GARIN1B: variants seen among roughly 807,000 people sequenced by gnomAD.
The protein encoded by GARIN1B is Golgi-associated RAB2 interactor protein 1B.
At chr7:128,718,950 C>CT in the GARIN1B span, 1 of 1,614,206 alleles carries the variant, frequency 6.2e-7, no homozygotes, top group Admixed American at 1.7e-5. Context: ...CATCCTGAGA[C>CT]TGTCTTCCAC....
At chr7:128,718,686 A>G in the GARIN1B span, 30 of 971,124 alleles carry the variant, frequency 3.1e-5, no homozygotes, top group Non-Finnish European at 4.3e-5. Context: ...GGTCTCCCCA[A>G]CAATTGAGCA....
chr7:128,719,116 G>A, the GARIN1B span: 1 of 1,603,448 alleles, frequency 6.2e-7, no homozygotes, highest in Non-Finnish European at 8.5e-7. Flanking sequence ...CTGCAGTCAA[G>A]GCCAAAGCAG....
chr7:128,728,861 C>T, the GARIN1B span, among the ~76,000 whole-genome samples: 1 of 152,122 alleles, frequency 6.6e-6, no homozygotes, highest in Non-Finnish European at 1.5e-5. Context: ...TTTGTCCAAG[C>T]CTAAGAATGT....
chr7:128,711,145 A>G, the GARIN1B span, among the ~76,000 whole-genome samples: 1 of 152,124 alleles, frequency 6.6e-6, no homozygotes. Context: ...CGTCATGTGT[A>G]CTTTCCTCCT....
the GARIN1B span, among the ~76,000 whole-genome samples, chr7:128,724,537 A>T: frequency 3.3e-5 from 5 of 152,166 alleles, no homozygotes; most frequent in African/African-American, 9.7e-5. Context: ...CTGTATGTAC[A>T]GATGACTTAG....
the GARIN1B span, among the ~76,000 whole-genome samples, chr7:128,712,135 A>G: frequency 9.8e-5 from 15 of 152,354 alleles, no homozygotes; most frequent in East Asian, 1.3e-3. Context: ...TGTTTTAAAT[A>G]GTGACATAGA....
chr7:128,718,780 C>G, the GARIN1B span: 2 of 1,589,600 alleles, frequency 1.3e-6, no homozygotes, highest in South Asian at 2.3e-5. Flanking sequence ...AAGACAGGGT[C>G]AGATTGGATG....
the GARIN1B span, chr7:128,726,933 A>T: frequency 2.0e-6 from 3 of 1,467,624 alleles, no homozygotes; most frequent in East Asian, 2.3e-5. Context: ...TAAGAATAAG[A>T]TCCCCTCCAG....
the GARIN1B span, among the ~76,000 whole-genome samples, chr7:128,713,647 C>T: frequency 6.6e-6 from 1 of 152,144 alleles, no homozygotes; most frequent in Non-Finnish European, 1.5e-5. Context: ...TTGTTTAGAG[C>T]TAAAAAATCC....
At chr7:128,714,756 C>G in the GARIN1B span, among the ~76,000 whole-genome samples, 11 of 152,126 alleles carry the variant, frequency 7.2e-5, no homozygotes, top group Non-Finnish European at 1.2e-4. Context: ...AGAGGGGGAA[C>G]AGCTTGGGAC....
At chr7:128,727,007 T>C in the GARIN1B span, 1 of 744,526 alleles carries the variant, frequency 1.3e-6, no homozygotes, top group African/African-American at 1.8e-5. Context: ...TTAGTTTGAA[T>C]TCCTTTAGGC....
the GARIN1B span, chr7:128,723,065 T>C: frequency 9.1e-7 from 1 of 1,099,366 alleles, no homozygotes; most frequent in Non-Finnish European, 1.3e-6. Flanking sequence ...GAATTGCCTC[T>C]GTGAGCAGCT....
the GARIN1B span, chr7:128,714,133 G>T: frequency 9.1e-6 from 14 of 1,536,016 alleles, no homozygotes; most frequent in Non-Finnish European, 1.2e-5. Context: ...GAATTGGATG[G>T]TGAGAGCCTC....
At chr7:128,714,070 A>T in the GARIN1B span, 1 of 1,535,798 alleles carries the variant, frequency 6.5e-7, no homozygotes, top group Non-Finnish European at 8.7e-7. Context: ...CAGGAGCTAT[A>T]ACAGGTGCTG....
the GARIN1B span, chr7:128,719,143 C>A: frequency 6.4e-7 from 1 of 1,571,968 alleles, no homozygotes; most frequent in Non-Finnish European, 8.7e-7. Flanking sequence ...AGAGCTTAAC[C>A]CAGCTGGTAT....
chr7:128,723,419 A>G, the GARIN1B span: 3 of 1,462,054 alleles, frequency 2.1e-6, no homozygotes, highest in Middle Eastern at 1.9e-4. Context: ...TAATGAGCGC[A>G]GGGTTTTACG....
chr7:128,717,076 C>G, the GARIN1B span: 1 of 1,291,336 alleles, frequency 7.7e-7, no homozygotes, highest in African/African-American at 1.5e-5. Flanking sequence ...CTACTAAACT[C>G]AAGGAGAAGA....
chr7:128,709,750 C>G, the GARIN1B span, among the ~76,000 whole-genome samples: 1 of 114,616 alleles, frequency 8.7e-6, no homozygotes, highest in Admixed American at 8.6e-5. Flanking sequence ...CTCTCTCTCT[C>G]TTTTTTTTTT....
At chr7:128,716,356 G>C in the GARIN1B span, among the ~76,000 whole-genome samples, 1 of 152,104 alleles carries the variant, frequency 6.6e-6, no homozygotes, top group Non-Finnish European at 1.5e-5. Context: ...AGGGCACCTC[G>C]GGGAAGGACC....
Sources: gnomAD v4.1 joint callset for allele counts (sites outside exome capture counted in the v4.1 genomes callset) on GRCh38, gnomAD v4.1.1 for gene constraint, MANE v1.5 for transcripts, NCBI Gene and HGNC (gene_info 2026-07-23, HGNC 2026-07-21) for gene names.